LRRC7: variants seen among roughly 807,000 people sequenced by gnomAD.
LRRC7 encodes leucine-rich repeat-containing protein 7.
In LRRC7, 23 loss-of-function variants were observed where a neutral mutation model predicts 175.7. The ratio of observed to expected loss-of-function variants is 0.13; its 90% CI spans 0.09 to 0.19. The LOEUF (loss-of-function observed/expected upper bound fraction) is 0.19. Ranked by LOEUF, LRRC7 falls within the 10% of genes least tolerant of loss-of-function variation. The pLI, the probability that LRRC7 is intolerant of heterozygous loss-of-function variation, is 1.00. For synonymous variants in LRRC7, 685 were observed against 680.9 expected (o/e 1.01, Z -0.09); for missense variants, 1,354 against 1,904.7 (o/e 0.71, Z 5.38).
intron 4 of LRRC7, among the ~76,000 whole-genome samples, chr1:69,794,550 CTTTA>C (rs1230149014): frequency 6.6e-6 from 1 of 152,174 alleles, no homozygotes; most frequent in African/African-American, 2.4e-5. Context: ...ACTACTACCT[CTTTA>C]TTTATATACA....
intron 3 of LRRC7, among the ~76,000 whole-genome samples, chr1:69,767,230 G>T (rs1490292026): frequency 6.6e-6 from 1 of 152,014 alleles, no homozygotes; most frequent in Non-Finnish European, 1.5e-5. Context: ...GACAAATAAT[G>T]TTCCTTTGTA....
chr1:69,712,002 C>A (rs757451163), intron 2 of LRRC7, among the ~76,000 whole-genome samples: 1 of 152,070 alleles, frequency 6.6e-6, no homozygotes, highest in Non-Finnish European at 1.5e-5. Context: ...ATAATCAAAG[C>A]ACTGCATGAG....
At chr1:69,699,428 T>G (rs1335929165) in intron 2 of LRRC7, among the ~76,000 whole-genome samples, 8 of 151,926 alleles carry the variant, frequency 5.3e-5, no homozygotes, top group African/African-American at 1.7e-4. Context: ...TAATCCCAGC[T>G]ACTCGGGAGG....
In LRRC7 at chr1:70,073,785, A is replaced by G. The variant is rs147866720; in HGVS notation, c.4231-2292A>G. Among the ~76,000 whole-genome samples, 71 of 152,330 alleles carry G rather than the reference A, an allele frequency of 4.7e-4. No individual in the cohort carries two copies. The East Asian group carries it at 0.011, about 24-fold the overall frequency. On this transcript the variant is annotated intron_variant, in intron 23 of 26. Coordinates refer to ENST00000651989, the MANE Select transcript of LRRC7 (RefSeq NM_001370785.2). ...GAAGCAGATATAAACTTAAAAATCAATTGATTTGTCAGTAGCCAGGCCAGT... is the reference window on the plus strand; with the variant it reads ...GAAGCAGATATAAACTTAAAAATCAGTTGATTTGTCAGTAGCCAGGCCAGT...
rs368673015 is a variant in LRRC7 at position 69,729,879 on chromosome 1, A to G, written c.101-30312A>G. Among the ~76,000 whole-genome samples the G allele has an allele frequency of 5.9e-5, 9 of 152,356 alleles. No individual in the cohort carries two copies. In the South Asian group the frequency reaches 6.2e-4, roughly 11 times the overall value. On this transcript the variant is annotated intron_variant, in intron 2 of 26. Coordinates refer to ENST00000651989, the MANE Select transcript of LRRC7 (RefSeq NM_001370785.2). ...TTCTCCATGAGGGCTCTGCCCCTGC[A>G]GCACAGTTCTTCCTGGTCATCCAGG...
chr1:69,977,944 T>C (rs1302022300), intron 8 of LRRC7, among the ~76,000 whole-genome samples: 3 of 152,220 alleles, frequency 2.0e-5, no homozygotes, highest in South Asian at 4.1e-4. Context: ...TCAGTCTCTG[T>C]CTTATTGTAT....
chr1:69,879,473 C>T (rs905608327), intron 7 of LRRC7: 1 of 152,186 alleles, frequency 6.6e-6, no homozygotes, highest in African/African-American at 2.4e-5. Flanking sequence ...CATCTCCAAA[C>T]CCCTAGGAGT....
chr1:69,865,366 G>T (rs886795760), intron 7 of LRRC7, among the ~76,000 whole-genome samples: 1 of 150,996 alleles, frequency 6.6e-6, no homozygotes, highest in African/African-American at 2.4e-5. Flanking sequence ...ATACAGCTAA[G>T]GTGAACTTTT....
intron 11 of LRRC7, among the ~76,000 whole-genome samples, chr1:70,007,575 A>C (rs533760834): frequency 2.0e-5 from 3 of 152,120 alleles, no homozygotes; most frequent in Non-Finnish European, 2.9e-5. Flanking sequence ...ATTAAGGCTT[A>C]TTTTAATTTA....
At chr1:69,774,726 G>T (rs186485736) in intron 3 of LRRC7, among the ~76,000 whole-genome samples, 8 of 152,260 alleles carry the variant, frequency 5.3e-5, no homozygotes, top group Admixed American at 4.6e-4. Flanking sequence ...ATTAATGTCA[G>T]CATTTACTAC....
chr1:69,687,437 G>C (rs1292445833), intron 2 of LRRC7, among the ~76,000 whole-genome samples: 1 of 146,432 alleles, frequency 6.8e-6, no homozygotes, highest in Admixed American at 6.9e-5. Flanking sequence ...TTGAGCCCGG[G>C]AGGCGGAGGT....
intron 4 of LRRC7, among the ~76,000 whole-genome samples, chr1:69,818,904 T>G (rs763816777): frequency 6.6e-6 from 1 of 152,132 alleles, no homozygotes; most frequent in Non-Finnish European, 1.5e-5. Flanking sequence ...TGGTATCTTA[T>G]CATGATTTGT....
intron 7 of LRRC7, among the ~76,000 whole-genome samples, chr1:69,855,532 T>G (rs943167407): frequency 6.6e-6 from 1 of 152,200 alleles, no homozygotes; most frequent in East Asian, 1.9e-4. Flanking sequence ...TGCTGAGGAG[T>G]GCTTTACTTC....
At chr1:69,734,071 T>C (rs551877899) in intron 2 of LRRC7, among the ~76,000 whole-genome samples, 30 of 152,024 alleles carry the variant, frequency 2.0e-4, no homozygotes, top group African/African-American at 7.2e-4. Flanking sequence ...AGGTTGGGAG[T>C]GTCACATATA....
At chr1:69,748,714 G>A (rs1557678840) in intron 2 of LRRC7, among the ~76,000 whole-genome samples, 1 of 152,056 alleles carries the variant, frequency 6.6e-6, no homozygotes, top group Non-Finnish European at 1.5e-5. Flanking sequence ...TAAGGTGTAA[G>A]AACATCATCT....
At chr1:69,871,624 A>G (rs1163648842) in intron 7 of LRRC7, among the ~76,000 whole-genome samples, 1 of 152,040 alleles carries the variant, frequency 6.6e-6, no homozygotes, top group Non-Finnish European at 1.5e-5. Context: ...AAGAATGTGA[A>G]CTTTATAAAC....
At chr1:69,896,412 T>C (rs1240170240) in intron 7 of LRRC7, among the ~76,000 whole-genome samples, 1 of 152,208 alleles carries the variant, frequency 6.6e-6, no homozygotes, top group Non-Finnish European at 1.5e-5. Context: ...TATCAAACTA[T>C]ATATTTGTAC....
In LRRC7 at chr1:69,621,120, C is replaced by G. The variant is rs564804486; in HGVS notation, c.2+52479C>G. On this transcript the variant is annotated intron_variant, in intron 1 of 26. Coordinates refer to ENST00000651989, the MANE Select transcript of LRRC7 (RefSeq NM_001370785.2). Reference sequence around the variant, plus strand: ...AGTGCAATGGCGCAATCTCATCTCACTGCAACCTCTGCCTCCTGGGTTCAA... The same window carrying G: ...AGTGCAATGGCGCAATCTCATCTCAGTGCAACCTCTGCCTCCTGGGTTCAA... Among the ~76,000 whole-genome samples the G allele has an allele frequency of 2.1e-4, 32 of 151,998 alleles. No individual in the cohort carries two copies. In the Middle Eastern group the frequency reaches 0.017, roughly 81 times the overall value.
intron 13 of LRRC7, among the ~76,000 whole-genome samples, chr1:70,015,420 AATTT>A (rs1248733512): frequency 4.6e-5 from 7 of 152,116 alleles, no homozygotes; most frequent in East Asian, 1.9e-4. Context: ...TATCAAAATA[AATTT>A]ATTTATCTAT....
Sources: gnomAD v4.1 joint callset for allele counts (sites outside exome capture counted in the v4.1 genomes callset) on GRCh38, gnomAD v4.1.1 for gene constraint, MANE v1.5 for transcripts, NCBI Gene and HGNC (gene_info 2026-07-23, HGNC 2026-07-21) for gene names.